DDX25: variants seen among roughly 807,000 people sequenced by gnomAD.
DDX25 encodes DEAD-box helicase 25, also known as ATP-dependent RNA helicase DDX25.
Under a neutral mutation model 64.6 loss-of-function variants are expected in DDX25, and 70 were observed. The ratio of observed to expected loss-of-function variants is 1.08; its 90% CI spans 0.89 to 1.32. DDX25 has a LOEUF of 1.32. Ranked by LOEUF, DDX25 falls within the 40% of genes most tolerant of loss-of-function variation. DDX25 has a pLI of 0.00. For missense variants in DDX25, 587 were observed against 604.4 expected (o/e 0.97, Z 0.30); for synonymous variants, 211 against 213.3 (o/e 0.99, Z 0.09).
At position 125,908,429 on chromosome 11, in the gene DDX25, T is replaced by C. The variant is rs769507904; in HGVS notation, c.433T>C (p.Ser145Pro). 3.1e-6 allele frequency: 5 copies of C among 1,613,888 alleles called. No individual in the cohort carries two copies. In the East Asian group the frequency reaches 8.9e-5, roughly 29 times the overall value. ...PPQNLIAQSQ[S>P]GTGKTAAFVL... ...CCAGAACCTCATAGCACAGAGCCAG[T>C]CTGGAACAGGAAAGACAGCGGCATT... The change falls in exon 6 of 12, where the codon TCT becomes CCT. Residue 145 changes from serine (S) to proline (P), a missense_variant. Transcript: ENST00000263576.
chr11:125,907,448 A>C (rs564444961), intron 4 of DDX25, among the ~76,000 whole-genome samples: 12 of 152,190 alleles, frequency 7.9e-5, no homozygotes, highest in East Asian at 3.9e-4. Context: ...CTCTACTAAA[A>C]ATACAAAAAA....
In DDX25 at chr11:125,923,171, A is replaced by C. The variant is rs1264624216; in HGVS notation, c.*290A>C. The C allele has an allele frequency of 1.9e-5, 6 of 321,768 alleles. No homozygotes were observed. The highest frequency in any genetic ancestry group is 3.5e-5 in the Non-Finnish European group (6 of 173,812). 19.9% of individuals were successfully genotyped at this position (321,768 alleles called of 1,614,324 possible). A position where few individuals can be genotyped will look rare whatever the true frequency, so the allele number is the denominator to read the frequency against. ...GGGTGTTTTTGGATTTGGTTGATACAATCTGAGCAGATCGTGCCTCTTGGG... is the reference window on the plus strand; with the variant it reads ...GGGTGTTTTTGGATTTGGTTGATACCATCTGAGCAGATCGTGCCTCTTGGG... On this transcript the variant is annotated 3_prime_UTR_variant, in exon 12 of 12. Coordinates refer to ENST00000263576, the MANE Select transcript of DDX25 (RefSeq NM_013264.5).
chr11:125,905,494 T>G (rs1944871135), intron 2 of DDX25, 59 bp from the exon 3 acceptor site: 1 of 1,517,090 alleles, frequency 6.6e-7, no homozygotes, highest in Non-Finnish European at 8.9e-7. Context: ...AATAGCATGC[T>G]TTACATTTGT....
At chr11:125,906,694 C>T (rs919522831) in intron 4 of DDX25, among the ~76,000 whole-genome samples, 4 of 151,500 alleles carry the variant, frequency 2.6e-5, no homozygotes, top group South Asian at 2.1e-4. Context: ...GGCATGGTGG[C>T]GCGCACCTGT....
At chr11:125,912,480 G>A (rs1263332489) in intron 8 of DDX25, among the ~76,000 whole-genome samples, 1 of 152,190 alleles carries the variant, frequency 6.6e-6, no homozygotes, top group Non-Finnish European at 1.5e-5. Flanking sequence ...ATCTGTGGAT[G>A]TTCAAGTCCC....
chr11:125,910,343 T>C (rs1291472763), intron 6 of DDX25, 21 bp from the exon 7 acceptor site: 9 of 1,606,280 alleles, frequency 5.6e-6, no homozygotes, highest in Admixed American at 1.7e-5. Flanking sequence ...TCTCCTCCCC[T>C]CTTCTCTCTC....
intron 3 of DDX25, 150 bp downstream of exon 3, chr11:125,905,747 A>G: frequency 6.1e-6 from 5 of 823,720 alleles, no homozygotes; most frequent in Non-Finnish European, 9.4e-6. Flanking sequence ...ACACTAAATT[A>G]GGAGTAAGGT....
chr11:125,911,745 T>C (rs1031712228), intron 8 of DDX25, among the ~76,000 whole-genome samples: 3 of 152,224 alleles, frequency 2.0e-5, no homozygotes, highest in African/African-American at 7.2e-5. Flanking sequence ...TAATATATAG[T>C]GCATCTGCAC....
At position 125,921,091 on chromosome 11, in the gene DDX25, T is replaced by G. The variant is rs533844563; in HGVS notation, c.1202-100T>G. ...ATAAGCCCTGGTTGGATTTCTAAAT[T>G]TTCTCTATAAATAGGAATTCCCTTG... On this transcript the variant is annotated intron_variant, in intron 10 of 11. Transcript: ENST00000263576. The surrounding 1 kb of genome is among the most constrained non-coding windows in gnomAD (Gnocchi z 4.1). The G allele has an allele frequency of 4.5e-5, 57 of 1,276,898 alleles. No individual in the cohort carries two copies. In the South Asian group the frequency reaches 8.8e-4, roughly 20 times the overall value. The allele number at this position is 1,276,898 out of a possible 1,614,324, so 79.1% of individuals were successfully genotyped here. A position where few individuals can be genotyped will look rare whatever the true frequency, so the allele number is the denominator to read the frequency against.
upstream of DDX25, among the ~76,000 whole-genome samples, chr11:125,903,886 T>C (rs1029925182): frequency 6.6e-6 from 1 of 152,194 alleles, no homozygotes; most frequent in African/African-American, 2.4e-5. Flanking sequence ...CGAAAGGTAA[T>C]GTTTTTAACA....
chr11:125,904,491 C>G, upstream of DDX25: 7 of 1,470,976 alleles, frequency 4.8e-6, no homozygotes, highest in Non-Finnish European at 6.3e-6. Flanking sequence ...GAAGCACGTG[C>G]TGGGGGCGGG....
At chr11:125,907,971 T>C (rs1944916566) in intron 4 of DDX25, among the ~76,000 whole-genome samples, 1 of 152,368 alleles carries the variant, frequency 6.6e-6, no homozygotes, top group African/African-American at 2.4e-5. Flanking sequence ...CCTTTACCAC[T>C]GTCCTTCGCC....
In DDX25 at chr11:125,928,264, A is replaced by T. The variant is rs1433656121; in HGVS notation, c.*5383A>T. 6.6e-6 allele frequency: 1 copy of T among 152,180 alleles called. No individual in the cohort carries two copies. The highest frequency in any genetic ancestry group is 1.5e-5 in the Non-Finnish European group (1 of 68,032). 9.4% of individuals were successfully genotyped at this position (152,180 alleles called of 1,614,324 possible). The stretch of plus-strand genomic sequence containing the variant: ...AGTATTATATCTTTTTATTTGAAAC[A>T]TTCAAGTTTTTTTTCATGTTACCAC... On this transcript the variant is annotated 3_prime_UTR_variant, in exon 12 of 12. Transcript: ENST00000263576.
At chr11:125,920,919 TACACACACACACAC>T (rs3034729) in intron 10 of DDX25, 53 of 265,274 alleles carry the variant, frequency 2.0e-4, no homozygotes, top group East Asian at 1.6e-3. Context: ...CACACACACA[TACACACACACACAC>T]ACACACACAC....
intron 4 of DDX25, among the ~76,000 whole-genome samples, chr11:125,906,779 C>T (rs889448661): frequency 2.7e-5 from 4 of 146,208 alleles, no homozygotes; most frequent in African/African-American, 1.0e-4. Flanking sequence ...TGAGCCGAGA[C>T]ACCATTGCAC....
chr11:125,910,301 G>T, intron 6 of DDX25, 63 bp from the exon 7 acceptor site: 1 of 1,402,080 alleles, frequency 7.1e-7, no homozygotes, highest in East Asian at 2.3e-5. Context: ...TTTTATTGCA[G>T]TTGAAATTTG....
rs1268647962 is a variant in DDX25, at chr11:125,918,654, C to T, written c.1065C>T (p.Thr355=). 23 of 1,613,540 alleles carry T rather than the reference C, an allele frequency of 1.4e-5. No homozygotes were observed. In the East Asian group the frequency reaches 3.3e-4, roughly 23 times the overall value. ...CTCGTCGAAACGCTAAGTGGTTGAC[C>T]GTGGAGATGATACAGGATGGCCACC... The part of the protein sequence containing the change: ...CQTRRNAKWL[T]VEMIQDGHQV... The change falls in exon 10 of 12, where the codon ACC becomes ACT. Residue 355 remains threonine, a synonymous_variant. Coordinates refer to ENST00000263576, the MANE Select transcript of DDX25 (RefSeq NM_013264.5).
At position 125,925,335 on chromosome 11, in the gene DDX25, C is replaced by G. The variant is rs1394186811; in HGVS notation, c.*2454C>G. The G allele has an allele frequency of 2.2e-6, 1 of 445,170 alleles. No homozygotes were observed. The highest frequency in any genetic ancestry group is 4.6e-6 in the Non-Finnish European group (1 of 219,050). 27.6% of individuals were successfully genotyped at this position (445,170 alleles called of 1,614,324 possible). A position where few individuals can be genotyped will look rare whatever the true frequency, so the allele number is the denominator to read the frequency against. ...GTATTTTTCTGCGTTCCCTTTTGCCCCCTCCTCACGTCCCTTTGTCTCACC... is the reference window on the plus strand; with the variant it reads ...GTATTTTTCTGCGTTCCCTTTTGCCGCCTCCTCACGTCCCTTTGTCTCACC... On this transcript the variant is annotated 3_prime_UTR_variant, in exon 12 of 12. Transcript: ENST00000263576.
intron 8 of DDX25, among the ~76,000 whole-genome samples, chr11:125,914,392 C>T (rs1294228998): frequency 2.0e-5 from 3 of 152,200 alleles, no homozygotes; most frequent in Non-Finnish European, 4.4e-5. Context: ...GGCAGGGGAA[C>T]AGGCTGAGAG....
Sources: allele counts gnomAD v4.1 joint callset (sites outside exome capture counted in the v4.1 genomes callset), GRCh38; gene constraint gnomAD v4.1.1; non-coding constraint Gnocchi (gnomAD v3.1); transcripts MANE v1.5; gene names NCBI Gene and HGNC (gene_info 2026-07-23, HGNC 2026-07-21).